The following RPH3A variants were observed in gnomAD, a reference collection of about 807,000 sequenced individuals.
RPH3A encodes the protein rabphilin 3A.
A neutral mutation model predicts 102.2 loss-of-function variants in RPH3A; 48 were observed. The observed-to-expected ratio is 0.47, with a 90% CI of 0.37 to 0.60. The LOEUF (loss-of-function observed/expected upper bound fraction) is 0.60. RPH3A is among the 20% of genes least tolerant of loss of function. RPH3A has a pLI of 0.00. For missense variants in RPH3A, 781 were observed against 910.1 expected (o/e 0.86, Z 1.83); for synonymous variants, 310 against 324.3 (o/e 0.96, Z 0.47).
chr12:112,743,580 A>G (rs1223089052), intron 1 of RPH3A, among the ~76,000 whole-genome samples: 4 of 152,210 alleles, frequency 2.6e-5, no homozygotes, highest in Admixed American at 2.0e-4. Context: ...GGAATCGCAC[A>G]GGGTAGGCGC....
chr12:112,704,766 C>G (rs1260177436), intron 1 of RPH3A, among the ~76,000 whole-genome samples: 1 of 152,126 alleles, frequency 6.6e-6, no homozygotes, highest in Non-Finnish European at 1.5e-5. Flanking sequence ...GGCTAAGAAT[C>G]TCTTTAATAT....
intron 1 of RPH3A, among the ~76,000 whole-genome samples, chr12:112,738,951 C>G (rs888040401): frequency 2.0e-5 from 3 of 152,078 alleles, no homozygotes; most frequent in African/African-American, 7.2e-5. Flanking sequence ...AAAGTAGGGT[C>G]GCAGTATGAG....
chr12:112,745,771 C>G (rs2040741221), intron 1 of RPH3A, among the ~76,000 whole-genome samples: 1 of 152,162 alleles, frequency 6.6e-6, no homozygotes. Flanking sequence ...AGTCTGACTG[C>G]TCACTCCATT....
intron 19 of RPH3A, chr12:112,894,222 T>C (rs1013165707): frequency 3.7e-6 from 1 of 273,760 alleles, no homozygotes; most frequent in Non-Finnish European, 6.7e-6. Context: ...CAATTTGACT[T>C]ATGGGGAGAA....
intron 1 of RPH3A, among the ~76,000 whole-genome samples, chr12:112,767,369 G>A (rs373838882): frequency 9.3e-4 from 142 of 152,244 alleles, no homozygotes; most frequent in African/African-American, 3.2e-3. Flanking sequence ...ACTCTCACCC[G>A]TCTTATCTGG....
At chr12:112,681,080 A>G (rs1010184580) in intron 1 of RPH3A, among the ~76,000 whole-genome samples, 6 of 152,188 alleles carry the variant, frequency 3.9e-5, no homozygotes, top group African/African-American at 1.2e-4. Context: ...ACTCTGGCCC[A>G]CTGCGTCCCT....
rs374029770 is a variant in RPH3A at position 112,763,187 on chromosome 12, T to G, written c.-139-28956T>G. On this transcript the variant is annotated intron_variant, in intron 1 of 21. Coordinates refer to the RPH3A transcript ENST00000543106. ...GGAAGGAGCTGTGTATTATTAGTGT[T>G]GGGCTCTGGGCATCTAGCACAGTGC... Among the ~76,000 whole-genome samples, 20 of 152,382 alleles carry G rather than the reference T, an allele frequency of 1.3e-4. No homozygotes were observed. In the East Asian group the frequency reaches 1.5e-3, roughly 12 times the overall value.
chr12:112,812,815 G>A (rs2041602678), intron 2 of RPH3A, among the ~76,000 whole-genome samples: 1 of 152,180 alleles, frequency 6.6e-6, no homozygotes, highest in Non-Finnish European at 1.5e-5. Flanking sequence ...CTGAACTACA[G>A]CTCTGGCCTT....
intron 11 of RPH3A, 49 bp from the exon 12 acceptor site, chr12:112,875,630 G>A: frequency 6.6e-7 from 1 of 1,518,142 alleles, no homozygotes; most frequent in Non-Finnish European, 9.1e-7. Context: ...ACCCCCAAAT[G>A]ATGCCACCCT....
rs532273987 is a variant in RPH3A, at chr12:112,727,504, C to CACACA, written c.-139-64639_-139-64638insACACA. On this transcript the variant is annotated intron_variant, in intron 1 of 21. Coordinates refer to the RPH3A transcript ENST00000543106. ...ACACACACACACAGACCCCCCCCCCCCACACACATATATATATATAGGCAT... is the reference window on the plus strand; with the variant it reads ...ACACACACACACAGACCCCCCCCCCCACACACACACACATATATATATATAGGCAT... Among the ~76,000 whole-genome samples the CACACA allele has an allele frequency of 1.9e-3, 150 of 80,934 alleles. 3 individuals are homozygous for CACACA. The highest frequency in any genetic ancestry group is 7.0e-3 in the African/African-American group (140 of 19,976). 53.1% of individuals were successfully genotyped at this position (80,934 alleles called of 152,430 possible).
chr12:112,576,036 G>A (rs1324941908), intron 1 of RPH3A, among the ~76,000 whole-genome samples: 2 of 152,198 alleles, frequency 1.3e-5, no homozygotes, highest in Non-Finnish European at 2.9e-5. Flanking sequence ...TTTCAACTAC[G>A]CACCAGGCGC....
chr12:112,608,137 G>A (rs1326697759), intron 1 of RPH3A, among the ~76,000 whole-genome samples: 4 of 144,630 alleles, frequency 2.8e-5, no homozygotes, highest in South Asian at 2.2e-4. Context: ...TTTTTTTGAC[G>A]GGGAGTTGCG....
rs146882328 is a variant in RPH3A at position 112,776,535 on chromosome 12, T to C, written c.-139-15608T>C. On this transcript the variant is annotated intron_variant, in intron 1 of 21. Transcript: ENST00000543106. ...GCAGGCTAGCTTGGATTTATTGTTA[T>C]GGTAGAGGCAGGGATGAGAGAGAGA... Among the ~76,000 whole-genome samples, 364 of 152,126 alleles carry C rather than the reference T, an allele frequency of 2.4e-3. 2 individuals carry two copies. The highest frequency in any genetic ancestry group is 8.1e-3 in the African/African-American group (338 of 41,482).
chr12:112,650,070 C>A (rs2039963350), intron 1 of RPH3A, among the ~76,000 whole-genome samples: 1 of 152,216 alleles, frequency 6.6e-6, no homozygotes, highest in Admixed American at 6.5e-5. Flanking sequence ...TTAGCACCAC[C>A]ATTATCATCA....
chr12:112,790,069 T>A (rs1170100062), upstream of RPH3A, among the ~76,000 whole-genome samples: 1 of 151,918 alleles, frequency 6.6e-6, no homozygotes, highest in Non-Finnish European at 1.5e-5. Context: ...TTTCTTTTTT[T>A]TTTTGAGATG....
chr12:112,577,062 T>A (rs2039365834), intron 1 of RPH3A, among the ~76,000 whole-genome samples: 1 of 152,030 alleles, frequency 6.6e-6, no homozygotes, highest in African/African-American at 2.4e-5. Flanking sequence ...TGTGCCACTG[T>A]TACCGGAAAG....
At chr12:112,655,605 C>T (rs1345385805) in intron 1 of RPH3A, among the ~76,000 whole-genome samples, 2 of 108,268 alleles carry the variant, frequency 1.8e-5, no homozygotes, top group East Asian at 3.2e-4. Flanking sequence ...CAGTCTTGCT[C>T]TGTCACCCAG....
At chr12:112,818,224 C>G (rs527507157) in intron 2 of RPH3A, among the ~76,000 whole-genome samples, 1 of 149,216 alleles carries the variant, frequency 6.7e-6, no homozygotes, top group Admixed American at 6.7e-5. Flanking sequence ...GGCGAGAATC[C>G]GGGAGGCAGA....
intron 8 of RPH3A, chr12:112,869,300 G>A (rs1488545382): frequency 6.3e-6 from 1 of 158,396 alleles, no homozygotes; most frequent in African/African-American, 2.4e-5. Flanking sequence ...CTGAAAGGAA[G>A]GGTACAGCGT....
Sources: allele counts gnomAD v4.1 joint callset (sites outside exome capture counted in the v4.1 genomes callset), GRCh38; gene constraint gnomAD v4.1.1; transcripts MANE v1.5; gene names NCBI Gene and HGNC (gene_info 2026-07-23, HGNC 2026-07-21).